The following HIVEP3 variants were observed in gnomAD, a reference collection of about 807,000 sequenced individuals.
HIVEP3 encodes transcription factor HIVEP3.
In HIVEP3, 49 loss-of-function variants were observed where a neutral mutation model predicts 152.8. The ratio of observed to expected loss-of-function variants is 0.32; its 90% CI spans 0.26 to 0.41. The LOEUF (loss-of-function observed/expected upper bound fraction) is 0.41. HIVEP3 is among the 10% of genes least tolerant of loss of function. The pLI is 1.00. For synonymous variants in HIVEP3, 1,269 were observed against 1,289.0 expected, an observed-to-expected ratio of 0.98 and a Z score of 0.33; for missense variants, 2,790 against 3,103.3, an observed-to-expected ratio of 0.90 and a Z score of 2.40.
chr1:41,884,266 C>A (rs1470497174), intron 1 of HIVEP3, among the ~76,000 whole-genome samples: 4 of 152,294 alleles, frequency 2.6e-5, no homozygotes, highest in Non-Finnish European at 5.9e-5. Flanking sequence ...ACGTCATGAG[C>A]CCCCTCCAGT....
At chr1:41,657,393 T>A (rs530380258) in intron 2 of HIVEP3, among the ~76,000 whole-genome samples, 1 of 152,234 alleles carries the variant, frequency 6.6e-6, no homozygotes, top group Admixed American at 6.5e-5. Flanking sequence ...CATGGAGCAA[T>A]GGTTATGCAA....
At chr1:41,749,711 G>A (rs769999321) in intron 1 of HIVEP3, among the ~76,000 whole-genome samples, 1 of 151,838 alleles carries the variant, frequency 6.6e-6, no homozygotes, top group Non-Finnish European at 1.5e-5. Context: ...ATGTGATCTT[G>A]GATAAGACAT....
At position 41,507,101 on chromosome 1, in the gene HIVEP3, A is replaced by C. The variant is rs1253035234; in HGVS notation, c.*3350T>G. On this transcript the variant is annotated 3_prime_UTR_variant, in exon 9 of 9. Transcript: ENST00000372583. Reference sequence around the variant, plus strand: ...CTCAGCCAGGACTTTTGCTTTAAGAAGGATTTGTCTGGAGAAAGGACTAGA... The same window carrying C: ...CTCAGCCAGGACTTTTGCTTTAAGACGGATTTGTCTGGAGAAAGGACTAGA... 6.6e-6 allele frequency: 1 copy of C among 152,214 alleles called. No homozygotes were observed. Among genetic ancestry groups the C allele is most frequent in the Non-Finnish European group, 1.5e-5 (1 of 68,048 alleles). The allele number at this position is 152,214 out of a possible 1,614,324, so 9.4% of individuals were successfully genotyped here.
intron 1 of HIVEP3, among the ~76,000 whole-genome samples, chr1:41,708,585 G>A (rs1646468184): frequency 6.6e-6 from 1 of 152,120 alleles, no homozygotes. Flanking sequence ...GAGGGGCCCT[G>A]GATCCTTTTC....
At chr1:41,634,765 C>T (rs902447247) in intron 2 of HIVEP3, among the ~76,000 whole-genome samples, 4 of 152,036 alleles carry the variant, frequency 2.6e-5, no homozygotes, top group African/African-American at 4.8e-5. Flanking sequence ...TTTATATTGC[C>T]GAAGAGTCTA....
chr1:41,984,612 G>A (rs999608640), intron 1 of HIVEP3, among the ~76,000 whole-genome samples: 2 of 152,202 alleles, frequency 1.3e-5, no homozygotes, highest in African/African-American at 2.4e-5. Context: ...GGGATCGAAC[G>A]TTTAAAACAC....
chr1:41,699,561 G>A (rs960728784), intron 2 of HIVEP3, among the ~76,000 whole-genome samples: 1 of 152,180 alleles, frequency 6.6e-6, no homozygotes, highest in Non-Finnish European at 1.5e-5. Context: ...GTCCTTCAGG[G>A]GTAGGAAAGG....
intron 2 of HIVEP3, among the ~76,000 whole-genome samples, chr1:41,666,629 T>C (rs955594521): frequency 2.0e-5 from 3 of 152,138 alleles, no homozygotes; most frequent in Non-Finnish European, 2.9e-5. Flanking sequence ...TGGGCATCAA[T>C]CTTCTCAAGC....
At chr1:41,705,823 T>C (rs1286877020) in intron 1 of HIVEP3, among the ~76,000 whole-genome samples, 1 of 152,230 alleles carries the variant, frequency 6.6e-6, no homozygotes, top group Non-Finnish European at 1.5e-5. Flanking sequence ...GCAAGTTCCA[T>C]GCAGTCTTAC....
At chr1:41,883,264 C>T (rs1160092551) in intron 1 of HIVEP3, among the ~76,000 whole-genome samples, 1 of 152,016 alleles carries the variant, frequency 6.6e-6, no homozygotes, top group Non-Finnish European at 1.5e-5. Flanking sequence ...TCTCAGTGGT[C>T]CTGGCAGTAA....
intron 1 of HIVEP3, among the ~76,000 whole-genome samples, chr1:41,912,494 C>A (rs1433995207): frequency 6.6e-6 from 1 of 152,172 alleles, no homozygotes; most frequent in Non-Finnish European, 1.5e-5. Flanking sequence ...CTCTTAAACC[C>A]ACTTAAAATT....
intron 1 of HIVEP3, among the ~76,000 whole-genome samples, chr1:41,807,396 T>C (rs937160899): frequency 6.6e-6 from 1 of 152,082 alleles, no homozygotes; most frequent in Non-Finnish European, 1.5e-5. Context: ...GAAACCAGCA[T>C]ACTTCACCTG....
At chr1:41,956,175 G>A (rs960518776) in intron 1 of HIVEP3, among the ~76,000 whole-genome samples, 5 of 152,182 alleles carry the variant, frequency 3.3e-5, no homozygotes, top group African/African-American at 7.2e-5. Context: ...AAAAAGCAAC[G>A]ACAGCATCAT....
chr1:41,924,209 G>T (rs1253027516), intron 1 of HIVEP3, among the ~76,000 whole-genome samples: 1 of 152,182 alleles, frequency 6.6e-6, no homozygotes, highest in East Asian at 1.9e-4. Context: ...GCCAAGGAAT[G>T]CCAGAGGCCA....
At chr1:41,609,280 T>G (rs1189591868) in intron 3 of HIVEP3, among the ~76,000 whole-genome samples, 1 of 152,240 alleles carries the variant, frequency 6.6e-6, no homozygotes, top group East Asian at 1.9e-4. Flanking sequence ...GGGGGAACAC[T>G]TCTGATGTTC....
At chr1:41,910,751 C>A (rs1644782979) in intron 1 of HIVEP3, among the ~76,000 whole-genome samples, 1 of 151,894 alleles carries the variant, frequency 6.6e-6, no homozygotes, top group African/African-American at 2.4e-5. Flanking sequence ...TTATATAAAT[C>A]TCAATAAATG....
chr1:41,644,328 G>T (rs1343132803), intron 2 of HIVEP3, among the ~76,000 whole-genome samples: 2 of 152,038 alleles, frequency 1.3e-5, no homozygotes, highest in Non-Finnish European at 2.9e-5. Context: ...ACAGGACCTG[G>T]GATCTGACCA....
chr1:41,630,186 A>T (rs143752461), intron 2 of HIVEP3, among the ~76,000 whole-genome samples: 266 of 152,344 alleles, frequency 1.7e-3, no homozygotes, highest in African/African-American at 6.3e-3. Context: ...CAGAAAATCA[A>T]ATGCCATGTG....
In HIVEP3 at chr1:41,513,395, C is replaced by G. The variant is rs1054337955; in HGVS notation, c.5826G>C (p.Leu1942=). The G allele has an allele frequency of 2.0e-5, 32 of 1,611,762 alleles. No homozygotes were observed. The highest frequency in any genetic ancestry group is 2.7e-5 in the Non-Finnish European group (32 of 1,179,170). ...SSQSMPGLPW[L]GPAPLGSVEK... ...CCACAGAGCCCAGAGGGGCCGGTCCCAGCCAGGGGAGGCCCGGCATGCTCT... is the reference window on the plus strand; with the variant it reads ...CCACAGAGCCCAGAGGGGCCGGTCCGAGCCAGGGGAGGCCCGGCATGCTCT... Residue 1942 remains leucine, a synonymous_variant, in exon 8 of 9, where the codon CTG becomes CTC. Transcript: ENST00000372583.
Sources: allele counts gnomAD v4.1 joint callset (sites outside exome capture counted in the v4.1 genomes callset), GRCh38; gene constraint gnomAD v4.1.1; transcripts MANE v1.5; gene names NCBI Gene and HGNC (gene_info 2026-07-23, HGNC 2026-07-21).